The following SSPN variants were observed in gnomAD, a reference collection of about 807,000 sequenced individuals.
The protein encoded by SSPN is K-ras oncogene-associated protein.
In SSPN, 15 loss-of-function variants were observed where a neutral mutation model predicts 19.1. The ratio of observed to expected loss-of-function variants is 0.78; its 90% CI spans 0.52 to 1.21. The LOEUF (loss-of-function observed/expected upper bound fraction) is 1.21. Ranked by LOEUF, SSPN falls within the 50% of genes most tolerant of loss-of-function variation. The probability of loss-of-function intolerance (pLI) is 0.00; values close to 1 mark genes in which losing one functional copy is unlikely to be tolerated. For missense variants in SSPN, 291 were observed against 314.0 expected, an observed-to-expected ratio of 0.93 and a Z score of 0.55; for synonymous variants, 147 against 140.3, an observed-to-expected ratio of 1.05 and a Z score of -0.34.
At chr12:26,139,556 G>A (rs1303311951) in intron 1 of SSPN, among the ~76,000 whole-genome samples, 1 of 152,118 alleles carries the variant, frequency 6.6e-6, no homozygotes, top group African/African-American at 2.4e-5. Context: ...TAATAAATTT[G>A]TAGCACTTGC....
intron 1 of SSPN, chr12:26,214,913 G>C (rs1205572410): frequency 6.6e-6 from 1 of 152,072 alleles, no homozygotes. Context: ...CACATTGGGG[G>C]AAGCTGATTC....
intron 1 of SSPN, among the ~76,000 whole-genome samples, chr12:26,157,194 T>G (rs1440762863): frequency 6.6e-6 from 1 of 152,226 alleles, no homozygotes; most frequent in East Asian, 1.9e-4. Context: ...TCATAGCACC[T>G]TAACTTTGTA....
intron 1 of SSPN, among the ~76,000 whole-genome samples, chr12:26,144,299 C>T (rs934671667): frequency 1.3e-5 from 2 of 152,052 alleles, no homozygotes; most frequent in Non-Finnish European, 2.9e-5. Context: ...CATGGTTTAC[C>T]ATAGCATAAA....
At chr12:26,201,605 T>A (rs566936738) in intron 1 of SSPN, among the ~76,000 whole-genome samples, 143 of 147,500 alleles carry the variant, frequency 9.7e-4, no homozygotes, top group Middle Eastern at 6.9e-3. Flanking sequence ...TCTTCTTTTT[T>A]AAAAAAAAAA....
chr12:26,197,457 G>A lies in SSPN; in HGVS notation c.279+1506G>A, dbSNP rs966392587. Among the ~76,000 whole-genome samples, 5 of 152,300 alleles carry A rather than the reference G, an allele frequency of 3.3e-5. No homozygotes were observed. The South Asian group carries it at 8.3e-4, about 25-fold the overall frequency. On this transcript the variant is annotated intron_variant, in intron 1 of 2. Coordinates refer to ENST00000242729, the MANE Select transcript of SSPN (RefSeq NM_005086.5). ...ATCCACATACCCAGGGGGAAAATATGTCTGTCCTTTAATGCCAGGGGAATT... is the reference window on the plus strand; with the variant it reads ...ATCCACATACCCAGGGGGAAAATATATCTGTCCTTTAATGCCAGGGGAATT...
upstream of SSPN, among the ~76,000 whole-genome samples, chr12:26,193,279 C>G (rs1349479281): frequency 6.6e-6 from 1 of 152,158 alleles, no homozygotes; most frequent in Non-Finnish European, 1.5e-5. Context: ...AGACCATTGG[C>G]TTTGGAGTTC....
chr12:26,200,665 G>A (rs1944869021), intron 1 of SSPN, among the ~76,000 whole-genome samples: 1 of 152,112 alleles, frequency 6.6e-6, no homozygotes. Context: ...GCTAAATGTG[G>A]TGTTAACTTT....
chr12:26,206,899 C>T (rs947589730), intron 1 of SSPN, among the ~76,000 whole-genome samples: 8 of 152,186 alleles, frequency 5.3e-5, no homozygotes, highest in Non-Finnish European at 1.2e-4. Context: ...GTAGAAGCCA[C>T]ACCCTAGCCA....
intron 1 of SSPN, chr12:26,125,263 G>A (rs1190450105): frequency 4.7e-6 from 1 of 214,182 alleles, no homozygotes; most frequent in East Asian, 1.2e-4. Context: ...CTTCCCAAAG[G>A]CGATGCAGTC....
chr12:26,212,256 G>A (rs921155073), intron 1 of SSPN, among the ~76,000 whole-genome samples: 10 of 152,160 alleles, frequency 6.6e-5, no homozygotes, highest in African/African-American at 2.4e-4. Flanking sequence ...AGACCTGTCA[G>A]ATATCAACTC....
upstream of SSPN, chr12:26,195,531 G>A (rs1417374006): frequency 2.4e-6 from 3 of 1,256,326 alleles, no homozygotes; most frequent in Admixed American, 8.5e-5. Context: ...TTGGAGGCTC[G>A]GTGAGTCGGC....
intron 1 of SSPN, among the ~76,000 whole-genome samples, chr12:26,137,125 C>T (rs61915716): frequency 6.6e-6 from 1 of 152,040 alleles, no homozygotes; most frequent in African/African-American, 2.4e-5. Context: ...TTTAATTGCT[C>T]AACAACCCTT....
At chr12:26,169,078 C>G (rs1446905926) in intron 1 of SSPN, among the ~76,000 whole-genome samples, 3 of 148,794 alleles carry the variant, frequency 2.0e-5, no homozygotes, top group African/African-American at 7.4e-5. Flanking sequence ...CATTAATTAT[C>G]TAGCTAGCTG....
chr12:26,143,609 A>T (rs1944472940), intron 1 of SSPN, among the ~76,000 whole-genome samples: 1 of 152,208 alleles, frequency 6.6e-6, no homozygotes. Flanking sequence ...TGGGTACTTC[A>T]GGGGCCTGTA....
intron 1 of SSPN, among the ~76,000 whole-genome samples, chr12:26,204,394 G>T (rs937636190): frequency 6.6e-5 from 10 of 152,144 alleles, no homozygotes; most frequent in Non-Finnish European, 1.5e-4. Flanking sequence ...GTTAACTTAG[G>T]CATTTCCTTT....
chr12:26,208,500 G>C (rs1944952093), intron 1 of SSPN, among the ~76,000 whole-genome samples: 1 of 151,674 alleles, frequency 6.6e-6, no homozygotes, highest in Non-Finnish European at 1.5e-5. Flanking sequence ...TATGGTTTTA[G>C]GTACTACAAA....
chr12:26,122,721 A>C, intron 1 of SSPN: 1 of 1,590,346 alleles, frequency 6.3e-7, no homozygotes, highest in Non-Finnish European at 8.5e-7. Flanking sequence ...CTCCTGCTTG[A>C]TGGTGACGCG....
At chr12:26,167,571 A>G (rs749447252) in intron 1 of SSPN, among the ~76,000 whole-genome samples, 10 of 152,184 alleles carry the variant, frequency 6.6e-5, no homozygotes, top group Non-Finnish European at 1.3e-4. Context: ...CAACCCAGGG[A>G]GCCAGCAGGC....
intron 2 of SSPN, among the ~76,000 whole-genome samples, chr12:26,225,733 A>G (rs2137513147): frequency 7.9e-6 from 1 of 126,036 alleles, no homozygotes; most frequent in Middle Eastern, 3.8e-3. Flanking sequence ...CTAAACAGCA[A>G]GGCTTGGTGA....
Sources: allele counts gnomAD v4.1 joint callset (sites outside exome capture counted in the v4.1 genomes callset), GRCh38; gene constraint gnomAD v4.1.1; transcripts MANE v1.5; gene names NCBI Gene and HGNC (gene_info 2026-07-23, HGNC 2026-07-21).